The following ZBTB20 variants were observed in gnomAD, a reference collection of about 807,000 sequenced individuals.
The protein encoded by ZBTB20 is zinc finger and BTB domain-containing protein 20.
In ZBTB20, 9 loss-of-function variants were observed where a neutral mutation model predicts 56.9. The ratio of observed to expected loss-of-function variants is 0.16; its 90% CI spans 0.10 to 0.28. The LOEUF (loss-of-function observed/expected upper bound fraction) is 0.28. ZBTB20 is among the 10% of genes least tolerant of loss of function. ZBTB20 has a pLI of 1.00. For synonymous variants in ZBTB20, 417 were observed against 420.7 expected (o/e 0.99, Z 0.11); for missense variants, 655 against 1,003.0 (o/e 0.65, Z 4.69).
In ZBTB20 at chr3:115,077,298, T is replaced by C. The variant is rs1381139152; in HGVS notation, c.-702-5884A>G. On this transcript the variant is annotated intron_variant, in intron 1 of 11. Coordinates refer to ENST00000675478, the MANE Select transcript of ZBTB20 (RefSeq NM_001348800.3). ...CATACGTTGAAACTTAATTGCAATG[T>C]GATAGTATTAAGAAGCAGGGCTTTT... 1.8e-4 allele frequency among the ~76,000 whole-genome samples: 27 copies of C among 152,146 alleles called. 1 individual carries two copies. Among genetic ancestry groups the C allele is most frequent in the Admixed American group, 1.8e-3 (27 of 15,280 alleles).
Position 114,844,300 on chromosome 3 carries a change from C to A in ZBTB20, c.-416-43126G>T, listed in dbSNP as rs1233464274. Among the ~76,000 whole-genome samples the A allele has an allele frequency of 3.0e-5, 4 of 132,532 alleles. No individual in the cohort carries two copies. In the Admixed American group the frequency reaches 3.1e-4, roughly 10 times the overall value. The allele number at this position is 132,532 out of a possible 152,430, so 86.9% of individuals were successfully genotyped here. On this transcript the variant is annotated intron_variant, in intron 4 of 11. Coordinates refer to ENST00000675478, the MANE Select transcript of ZBTB20 (RefSeq NM_001348800.3). The stretch of plus-strand genomic sequence containing the variant: ...TACTGTGTAGTGATGGAAAATAGAT[C>A]TATGGTTGCATAAGAAAATTACTGG...
intron 4 of ZBTB20, among the ~76,000 whole-genome samples, chr3:114,866,020 G>C (rs1407600360): frequency 6.6e-6 from 1 of 152,130 alleles, no homozygotes; most frequent in Non-Finnish European, 1.5e-5. Flanking sequence ...TTAATAGAGA[G>C]GAATTAAATG....
intron 5 of ZBTB20, among the ~76,000 whole-genome samples, chr3:114,718,055 C>G (rs1424562490): frequency 2.0e-5 from 3 of 152,094 alleles, no homozygotes; most frequent in Admixed American, 6.6e-5. Flanking sequence ...TTTTGATGGT[C>G]TGATTTTATG....
Position 114,389,845 on chromosome 3 carries a change from C to T in ZBTB20, c.-254-740G>A, listed in dbSNP as rs1053775769. 8.2e-5 allele frequency among the ~76,000 whole-genome samples: 11 copies of T among 134,788 alleles called. No individual in the cohort carries two copies. The Admixed American group carries it at 9.3e-4, about 11-fold the overall frequency. The allele number at this position is 134,788 out of a possible 152,430, so 88.4% of individuals were successfully genotyped here. ...CGGAGGTTGCAGTGAGCCGAGATTGCACCACTGCACTCCAGCCTGGCAACA... is the reference window on the plus strand; with the variant it reads ...CGGAGGTTGCAGTGAGCCGAGATTGTACCACTGCACTCCAGCCTGGCAACA... On this transcript the variant is annotated intron_variant, in intron 7 of 11. Coordinates refer to ENST00000675478, the MANE Select transcript of ZBTB20 (RefSeq NM_001348800.3).
At chr3:114,973,277 T>C (rs924829590) in intron 3 of ZBTB20, among the ~76,000 whole-genome samples, 2 of 152,184 alleles carry the variant, frequency 1.3e-5, no homozygotes, top group African/African-American at 4.8e-5. Flanking sequence ...CATTTATCAT[T>C]AATTTGTAGA....
intron 4 of ZBTB20, among the ~76,000 whole-genome samples, chr3:114,806,039 C>G (rs184524972): frequency 6.6e-6 from 1 of 151,824 alleles, no homozygotes; most frequent in African/African-American, 2.4e-5. Context: ...TTTACTGTTA[C>G]GAATAATGCT....
At chr3:114,481,789 G>A (rs2041579857) in intron 7 of ZBTB20, among the ~76,000 whole-genome samples, 2 of 152,198 alleles carry the variant, frequency 1.3e-5, no homozygotes, top group South Asian at 4.1e-4. Context: ...TGCTATTGAT[G>A]CCCAGAGGCC....
chr3:114,439,875 T>A (rs1250414090), intron 7 of ZBTB20, among the ~76,000 whole-genome samples: 1 of 152,208 alleles, frequency 6.6e-6, no homozygotes, highest in African/African-American at 2.4e-5. Flanking sequence ...TAGGATTTTT[T>A]AAAAGATATC....
At chr3:115,032,958 T>TAAAAAAA (rs77048136) in intron 2 of ZBTB20, among the ~76,000 whole-genome samples, 19 of 56,516 alleles carry the variant, frequency 3.4e-4, no homozygotes, top group South Asian at 1.2e-3. Context: ...CCTAAGGAAC[T>TAAAAAAA]AAAAAAAAAA....
chr3:115,024,425 C>A (rs549345112), intron 2 of ZBTB20, among the ~76,000 whole-genome samples: 58 of 151,122 alleles, frequency 3.8e-4, no homozygotes, highest in African/African-American at 8.5e-4. Flanking sequence ...ATCTGGTACT[C>A]AGAGACCTCT....
intron 7 of ZBTB20, among the ~76,000 whole-genome samples, chr3:114,434,811 G>C (rs1009208904): frequency 6.6e-6 from 1 of 152,100 alleles, no homozygotes; most frequent in African/African-American, 2.4e-5. Context: ...ATTAATCTCT[G>C]TGAAAACCGA....
At chr3:114,807,055 T>C (rs1392062777) in intron 4 of ZBTB20, among the ~76,000 whole-genome samples, 3 of 152,096 alleles carry the variant, frequency 2.0e-5, no homozygotes, top group Non-Finnish European at 2.9e-5. Context: ...TTTTCAAAAG[T>C]ATTTTCACTA....
chr3:114,718,835 T>C (rs2064699013), intron 5 of ZBTB20, among the ~76,000 whole-genome samples: 1 of 151,954 alleles, frequency 6.6e-6, no homozygotes, highest in Admixed American at 6.6e-5. Flanking sequence ...ATCTAGACTA[T>C]AACAAATACT....
chr3:114,376,018 C>T (rs1390951161), intron 10 of ZBTB20, among the ~76,000 whole-genome samples: 1 of 152,218 alleles, frequency 6.6e-6, no homozygotes, highest in Non-Finnish European at 1.5e-5. Flanking sequence ...ATGAAATGCA[C>T]ATTTATTACA....
At chr3:114,468,469 C>T (rs564242067) in intron 7 of ZBTB20, among the ~76,000 whole-genome samples, 1 of 152,184 alleles carries the variant, frequency 6.6e-6, no homozygotes, top group East Asian at 1.9e-4. Context: ...CACTTTAGCT[C>T]TTTTTCTATA....
intron 3 of ZBTB20, among the ~76,000 whole-genome samples, chr3:114,952,125 A>G (rs1459345099): frequency 2.6e-5 from 4 of 152,102 alleles, no homozygotes; most frequent in African/African-American, 9.6e-5. Context: ...CAGAGAAGAA[A>G]GAGTGTGCTA....
chr3:114,968,443 T>A (rs1409789950), intron 3 of ZBTB20, among the ~76,000 whole-genome samples: 2 of 152,212 alleles, frequency 1.3e-5, no homozygotes, highest in Non-Finnish European at 2.9e-5. Flanking sequence ...AGAATGTATG[T>A]CCAAGTGGAC....
chr3:114,420,332 T>A (rs1223356708), intron 7 of ZBTB20, among the ~76,000 whole-genome samples: 3 of 152,144 alleles, frequency 2.0e-5, no homozygotes, highest in Non-Finnish European at 2.9e-5. Context: ...TCCTTGGAGT[T>A]ATCCTTGGTG....
At chr3:114,403,071 A>G (rs1374979639) in intron 7 of ZBTB20, among the ~76,000 whole-genome samples, 2 of 146,118 alleles carry the variant, frequency 1.4e-5, no homozygotes, top group African/African-American at 5.1e-5. Flanking sequence ...GTAGATCATC[A>G]TAACCATATG....
Sources: gnomAD v4.1 joint callset for allele counts (sites outside exome capture counted in the v4.1 genomes callset) on GRCh38, gnomAD v4.1.1 for gene constraint, MANE v1.5 for transcripts, NCBI Gene and HGNC (gene_info 2026-07-23, HGNC 2026-07-21) for gene names.